OCA2: variants seen among roughly 807,000 people sequenced by gnomAD.
OCA2 encodes the protein P protein.
In OCA2, 77 loss-of-function variants were observed where a neutral mutation model predicts 100.2. The ratio of observed to expected loss-of-function variants is 0.77; its 90% confidence interval spans 0.64 to 0.93. OCA2 has a LOEUF of 0.93. OCA2 is among the 40% of genes least tolerant of loss of function. OCA2 has a pLI of 0.00. For synonymous variants in OCA2, 432 were observed against 439.2 expected (o/e 0.98, Z 0.21); for missense variants, 1,062 against 1,089.1 (o/e 0.98, Z 0.35).
chr15:28,075,339 C>T (rs2044397496), intron 2 of OCA2, among the ~76,000 whole-genome samples: 1 of 152,098 alleles, frequency 6.6e-6, no homozygotes, highest in Non-Finnish European at 1.5e-5. Context: ...AACAAGCAGA[C>T]CTCACTCTCC....
At chr15:27,743,193 C>T in the OCA2 span, among the ~76,000 whole-genome samples, 1 of 152,130 alleles carries the variant, frequency 6.6e-6, no homozygotes, top group African/African-American at 2.4e-5. Flanking sequence ...GCTGGCTGCC[C>T]GGCCACCCAG....
intron 19 of OCA2, among the ~76,000 whole-genome samples, chr15:27,892,070 G>A (rs1250783466): frequency 1.3e-5 from 2 of 152,086 alleles, no homozygotes. Flanking sequence ...AATACATGAA[G>A]TGAAAAACTG....
In OCA2 at chr15:27,873,237, G is replaced by A. The variant is rs138825686; in HGVS notation, c.2080-1315C>T. On this transcript the variant is annotated intron_variant, in intron 19 of 23. Transcript: ENST00000354638. ...TGGCCCGTGCATTATAAAATGTTGCGTAGCAGCCCTGGCCTGGTGCCACTA... is the reference window on the plus strand; with the variant it reads ...TGGCCCGTGCATTATAAAATGTTGCATAGCAGCCCTGGCCTGGTGCCACTA... Among the ~76,000 whole-genome samples, 102 of 152,262 alleles carry A rather than the reference G, an allele frequency of 6.7e-4. 1 individual carries two copies. Among genetic ancestry groups the A allele is most frequent in the African/African-American group, 2.3e-3 (94 of 41,528 alleles).
chr15:27,855,437 C>T (rs1165889846), intron 21 of OCA2, among the ~76,000 whole-genome samples: 1 of 152,196 alleles, frequency 6.6e-6, no homozygotes, highest in Non-Finnish European at 1.5e-5. Context: ...TTGCCCATGC[C>T]CACATCTCCA....
chr15:28,057,607 C>A (rs1171891942), intron 2 of OCA2, among the ~76,000 whole-genome samples: 1 of 152,106 alleles, frequency 6.6e-6, no homozygotes, highest in South Asian at 2.1e-4. Flanking sequence ...ACACATACTC[C>A]AAAAACATTG....
At chr15:27,742,663 G>A in the OCA2 span, among the ~76,000 whole-genome samples, 2 of 152,182 alleles carry the variant, frequency 1.3e-5, no homozygotes, top group Admixed American at 6.5e-5. Context: ...AGAGCAAAAC[G>A]AGAACAGCTT....
chr15:27,923,589 G>C (rs1410566205), intron 19 of OCA2, among the ~76,000 whole-genome samples: 2 of 152,138 alleles, frequency 1.3e-5, no homozygotes, highest in Non-Finnish European at 2.9e-5. Context: ...TTGTAGTTTT[G>C]ATATACATTT....
At chr15:28,060,197 C>T (rs893558778) in intron 2 of OCA2, among the ~76,000 whole-genome samples, 1 of 152,172 alleles carries the variant, frequency 6.6e-6, no homozygotes, top group Non-Finnish European at 1.5e-5. Context: ...CCCAGCATGC[C>T]TGCCTGGAAC....
At chr15:27,966,645 A>G in intron 15 of OCA2, 45 bp downstream of exon 15, 1 of 1,608,710 alleles carries the variant, frequency 6.2e-7, no homozygotes, top group Non-Finnish European at 8.5e-7. Flanking sequence ...AAACAATATT[A>G]TGGTCATGAA....
At chr15:27,836,947 A>G (rs765424953) in intron 23 of OCA2, among the ~76,000 whole-genome samples, 14 of 152,250 alleles carry the variant, frequency 9.2e-5, no homozygotes, top group Admixed American at 1.3e-4. Flanking sequence ...TGAGGTGACA[A>G]AAGCTTTACT....
At chr15:27,766,966 C>T (rs890210638) in intron 23 of OCA2, among the ~76,000 whole-genome samples, 1 of 152,206 alleles carries the variant, frequency 6.6e-6, no homozygotes. Flanking sequence ...CCTCAATAAA[C>T]CTTACGTCTC....
chr15:28,077,779 G>A (rs2044479410), intron 2 of OCA2, among the ~76,000 whole-genome samples: 1 of 152,180 alleles, frequency 6.6e-6, no homozygotes, highest in South Asian at 2.1e-4. Flanking sequence ...ACAAACATGG[G>A]CAATTAGAAA....
chr15:27,913,839 G>GAAAGAAAGA (rs1567097597), intron 19 of OCA2, among the ~76,000 whole-genome samples: 2 of 22,540 alleles, frequency 8.9e-5, no homozygotes, highest in African/African-American at 2.2e-4. Context: ...AGAAAGAAAG[G>GAAAGAAAGA]AAAGAAAGAA....
chr15:28,083,747 G>C (rs903067348), intron 1 of OCA2, among the ~76,000 whole-genome samples: 2 of 152,184 alleles, frequency 1.3e-5, no homozygotes, highest in Admixed American at 6.5e-5. Flanking sequence ...CCAAGAGAGA[G>C]AGACTATGGA....
intron 23 of OCA2, among the ~76,000 whole-genome samples, chr15:27,772,719 T>G (rs2031956224): frequency 6.6e-6 from 1 of 151,896 alleles, no homozygotes; most frequent in Non-Finnish European, 1.5e-5. Context: ...CAGGCGCCTG[T>G]AGTCCCAGCT....
intron 9 of OCA2, among the ~76,000 whole-genome samples, chr15:27,996,988 C>CA (rs1212835365): frequency 2.0e-4 from 12 of 58,688 alleles, no homozygotes; most frequent in South Asian, 4.9e-4. Context: ...AAGGACACAA[C>CA]AAAAAAAAAG....
chr15:27,800,453 C>A (rs999941199), intron 23 of OCA2, among the ~76,000 whole-genome samples: 1 of 151,786 alleles, frequency 6.6e-6, no homozygotes, highest in Non-Finnish European at 1.5e-5. Context: ...CAAGAATGAT[C>A]AGAAAAAAAT....
chr15:27,773,019 A>G (rs982400404), intron 23 of OCA2, among the ~76,000 whole-genome samples: 6 of 152,154 alleles, frequency 3.9e-5, no homozygotes, highest in Non-Finnish European at 8.8e-5. Flanking sequence ...TTTGGCAATT[A>G]GAACTATTAT....
chr15:27,958,935 G>T (rs530611680), intron 15 of OCA2, among the ~76,000 whole-genome samples: 3 of 152,158 alleles, frequency 2.0e-5, no homozygotes, highest in Non-Finnish European at 4.4e-5. Context: ...GAAGCAGCAT[G>T]AACATCGTGG....
Sources: gnomAD v4.1 joint callset for allele counts (sites outside exome capture counted in the v4.1 genomes callset) on GRCh38, gnomAD v4.1.1 for gene constraint, MANE v1.5 for transcripts, NCBI Gene and HGNC (gene_info 2026-07-23, HGNC 2026-07-21) for gene names.